Variants in RBFOX1 observed in about 807,000 individuals in gnomAD.
RBFOX1 encodes RNA binding fox-1 homolog 1.
In RBFOX1, 8 loss-of-function variants were observed where a neutral mutation model predicts 57.7. That is an observed-to-expected ratio of 0.14 (90% CI 0.08 to 0.25). The LOEUF (loss-of-function observed/expected upper bound fraction) is 0.25. Ranked by LOEUF, RBFOX1 falls within the 10% of genes least tolerant of loss-of-function variation. The pLI is 1.00. For missense variants in RBFOX1, 611 were observed against 548.5 expected (o/e 1.11, Z -1.14); for synonymous variants, 326 against 222.4 (o/e 1.47, Z -4.15).
intron 3 of RBFOX1, among the ~76,000 whole-genome samples, chr16:6,718,828 A>T (rs543982669): frequency 6.6e-6 from 1 of 152,128 alleles, no homozygotes; most frequent in East Asian, 1.9e-4. Context: ...AGAGATGTGC[A>T]TGTTTCTTTC....
chr16:7,543,445 C>G (rs764637414), intron 5 of RBFOX1, among the ~76,000 whole-genome samples: 57 of 152,268 alleles, frequency 3.7e-4, no homozygotes, highest in Non-Finnish European at 5.9e-4. Context: ...GTTCTAGGCA[C>G]CTGTCCCTTG....
intron 3 of RBFOX1, among the ~76,000 whole-genome samples, chr16:6,731,971 A>T (rs2068727360): frequency 6.6e-6 from 1 of 152,174 alleles, no homozygotes; most frequent in African/African-American, 2.4e-5. Flanking sequence ...GCCTACTAAA[A>T]CCAAATTTGA....
intron 2 of RBFOX1, among the ~76,000 whole-genome samples, chr16:6,390,957 G>C (rs1409309872): frequency 1.3e-5 from 2 of 152,172 alleles, no homozygotes; most frequent in African/African-American, 4.8e-5. Flanking sequence ...TTCGAAGCTG[G>C]AGAATGCTCT....
At chr16:6,850,179 A>G (rs2093989233) in intron 3 of RBFOX1, among the ~76,000 whole-genome samples, 1 of 152,134 alleles carries the variant, frequency 6.6e-6, no homozygotes, top group Non-Finnish European at 1.5e-5. Flanking sequence ...TTAGTCCTTC[A>G]TTCAGTGAAT....
rs2096914670 is a variant in RBFOX1 at position 6,547,637 on chromosome 16, C to CTT, written c.-63-106965_-63-106964dup. On this transcript the variant is annotated intron_variant, in intron 2 of 15. Transcript: ENST00000550418. ...GGAAGAAACAGTCATGACTTACAGA[C>CTT]TTCTAGAAATATAGTAAATGTGATC... 1.3e-4 allele frequency among the ~76,000 whole-genome samples: 20 copies of CTT among 152,242 alleles called. 1 individual carries two copies. The South Asian group carries it at 4.1e-3, about 32-fold the overall frequency.
intron 2 of RBFOX1, among the ~76,000 whole-genome samples, chr16:5,521,725 G>C (rs987073465): frequency 1.3e-5 from 2 of 152,196 alleles, no homozygotes; most frequent in Non-Finnish European, 2.9e-5. Flanking sequence ...GACTTGGTTA[G>C]GGACAATGAT....
chr16:5,363,410 A>G (rs2065611204), intron 1 of RBFOX1, among the ~76,000 whole-genome samples: 1 of 152,098 alleles, frequency 6.6e-6, no homozygotes, highest in Non-Finnish European at 1.5e-5. Flanking sequence ...TAAGTTTTTG[A>G]GGAAACTGCA....
intron 4 of RBFOX1, among the ~76,000 whole-genome samples, chr16:7,211,444 T>C (rs540928370): frequency 2.7e-5 from 4 of 150,562 alleles, no homozygotes; most frequent in East Asian, 2.0e-4. Flanking sequence ...TAAACGTTTA[T>C]CCAGTGGGCT....
intron 4 of RBFOX1, among the ~76,000 whole-genome samples, chr16:7,209,321 G>C (rs1417924659): frequency 6.6e-6 from 1 of 152,068 alleles, no homozygotes; most frequent in Non-Finnish European, 1.5e-5. Context: ...GGCGACAAGA[G>C]CGAAACTCTG....
chr16:6,629,959 G>GTTT lies in RBFOX1; in HGVS notation c.-63-24632_-63-24630dup, dbSNP rs544517566. Among the ~76,000 whole-genome samples the GTTT allele has an allele frequency of 4.7e-3, 631 of 134,436 alleles. 7 individuals carry two copies. Among genetic ancestry groups the GTTT allele is most frequent in the Non-Finnish European group, 5.3e-3 (337 of 64,060 alleles). The allele number at this position is 134,436 out of a possible 152,430, so 88.2% of individuals were successfully genotyped here. A position where few individuals can be genotyped will look rare whatever the true frequency, so the allele number is the denominator to read the frequency against. On this transcript the variant is annotated intron_variant, in intron 2 of 15. Transcript: ENST00000550418. ...TTTACATTTGGCCTTATTTCGGTAGGTTTTTTTTTTTTTTAAAAAAAAAAA... is the reference window on the plus strand; with the variant it reads ...TTTACATTTGGCCTTATTTCGGTAGGTTTTTTTTTTTTTTTTTAAAAAAAAAAA...
At chr16:5,781,167 GC>G (rs2054311124) in intron 3 of RBFOX1, among the ~76,000 whole-genome samples, 1 of 152,196 alleles carries the variant, frequency 6.6e-6, no homozygotes, top group South Asian at 2.1e-4. Flanking sequence ...AATTAGGAAA[GC>G]TAAAAGATAG....
intron 4 of RBFOX1, among the ~76,000 whole-genome samples, chr16:7,140,787 G>C (rs1331937725): frequency 2.0e-5 from 3 of 152,118 alleles, no homozygotes; most frequent in Non-Finnish European, 4.4e-5. Flanking sequence ...AACTTTCCAG[G>C]ATGTTTCCTT....
At chr16:5,656,209 A>G (rs967289490) in intron 3 of RBFOX1, among the ~76,000 whole-genome samples, 1 of 152,230 alleles carries the variant, frequency 6.6e-6, no homozygotes, top group African/African-American at 2.4e-5. Context: ...GACTTCCTAT[A>G]GTTTTGAGTT....
intron 2 of RBFOX1, among the ~76,000 whole-genome samples, chr16:6,347,213 A>G (rs2085519290): frequency 6.6e-6 from 1 of 152,130 alleles, no homozygotes; most frequent in Admixed American, 6.5e-5. Context: ...GGAATAGTAA[A>G]GTGATGTGAA....
At chr16:7,246,774 C>G (rs748277169) in intron 4 of RBFOX1, among the ~76,000 whole-genome samples, 2 of 151,730 alleles carry the variant, frequency 1.3e-5, no homozygotes, top group African/African-American at 4.8e-5. Flanking sequence ...CGTAGCACAT[C>G]CAGAGGCTTA....
At chr16:6,654,998 A>AG (rs1214842110) in intron 3 of RBFOX1, among the ~76,000 whole-genome samples, 1 of 119,982 alleles carries the variant, frequency 8.3e-6, no homozygotes, top group East Asian at 2.4e-4. Flanking sequence ...TGTATAATTA[A>AG]TTATATTATT....
intron 4 of RBFOX1, among the ~76,000 whole-genome samples, chr16:7,420,700 T>G (rs2098532442): frequency 6.6e-6 from 1 of 151,814 alleles, no homozygotes; most frequent in Admixed American, 6.6e-5. Context: ...TAATTGGGCA[T>G]ATAGCAGGGG....
chr16:6,729,923 C>G (rs182932119), intron 3 of RBFOX1, among the ~76,000 whole-genome samples: 3 of 152,016 alleles, frequency 2.0e-5, no homozygotes, highest in African/African-American at 7.2e-5. Flanking sequence ...GTACAGGATG[C>G]CCGACTCCGA....
intron 2 of RBFOX1, among the ~76,000 whole-genome samples, chr16:6,588,549 G>C (rs2097663960): frequency 6.6e-6 from 1 of 152,076 alleles, no homozygotes; most frequent in African/African-American, 2.4e-5. Context: ...CTACTCTGGA[G>C]GCTGAGGCTG....
Sources: gnomAD v4.1 joint callset for allele counts (sites outside exome capture counted in the v4.1 genomes callset) on GRCh38, gnomAD v4.1.1 for gene constraint, MANE v1.5 for transcripts, NCBI Gene and HGNC (gene_info 2026-07-23, HGNC 2026-07-21) for gene names.